The following CCDC102B variants were observed in gnomAD, a reference collection of about 807,000 sequenced individuals.
CCDC102B encodes the protein coiled-coil domain containing 102B, also known as coiled-coil domain-containing protein 102B.
A neutral mutation model predicts 57.4 loss-of-function variants in CCDC102B; 75 were observed. The ratio of observed to expected loss-of-function variants is 1.31; its 90% CI spans 1.08 to 1.58. The LOEUF is 1.58. Among genes scored for constraint, CCDC102B ranks in the 40% most tolerant of loss-of-function variants. The pLI is 0.00. For synonymous variants in CCDC102B, 206 were observed against 201.9 expected (o/e 1.02, Z -0.17); for missense variants, 636 against 582.6 (o/e 1.09, Z -0.94).
intron 1 of CCDC102B, among the ~76,000 whole-genome samples, chr18:68,809,786 G>A (rs1474396299): frequency 6.6e-6 from 1 of 152,130 alleles, no homozygotes; most frequent in East Asian, 1.9e-4. Context: ...CAAAAGCTAA[G>A]AAATGTTTAT....
chr18:68,874,528 A>C, intron 4 of CCDC102B, 141 bp from the exon 5 acceptor site: 1 of 551,490 alleles, frequency 1.8e-6, no homozygotes, highest in Middle Eastern at 4.6e-4. Flanking sequence ...CACAATCATT[A>C]CATCATCAGC....
chr18:68,889,019 A>G lies in CCDC102B; in HGVS notation c.1054-8200A>G, dbSNP rs868618014. Among the ~76,000 whole-genome samples the G allele has an allele frequency of 5.9e-5, 4 of 67,858 alleles. No individual in the cohort carries two copies. In the South Asian group the frequency reaches 2.8e-3, roughly 47 times the overall value. The allele number at this position is 67,858 out of a possible 152,430, so 44.5% of individuals were successfully genotyped here. ...CTACCATTTTCCTGTCCCTCCCAGT[A>G]GTTTTTCTTTGTTTTTTTTTTCTTT... On this transcript the variant is annotated intron_variant, in intron 5 of 7. Coordinates refer to ENST00000360242, the MANE Select transcript of CCDC102B (RefSeq NM_024781.3).
intron 2 of CCDC102B, among the ~76,000 whole-genome samples, chr18:68,777,549 T>G (rs1009594647): frequency 2.6e-5 from 4 of 152,186 alleles, no homozygotes; most frequent in Non-Finnish European, 5.9e-5. Flanking sequence ...AAAATGTTAT[T>G]TCTCCTTTTA....
At chr18:68,973,790 A>G (rs1222239868) in intron 6 of CCDC102B, among the ~76,000 whole-genome samples, 1 of 152,120 alleles carries the variant, frequency 6.6e-6, no homozygotes, top group African/African-American at 2.4e-5. Context: ...TTTCACAAAG[A>G]ACATTTTTCA....
chr18:68,743,661 G>T (rs1019824103), intron 2 of CCDC102B, among the ~76,000 whole-genome samples: 4 of 152,096 alleles, frequency 2.6e-5, no homozygotes, highest in Non-Finnish European at 5.9e-5. Flanking sequence ...ATGGAGTCTT[G>T]TCCTTTCAGA....
chr18:69,058,088 A>G (rs187216026), downstream of CCDC102B, among the ~76,000 whole-genome samples: 73 of 152,140 alleles, frequency 4.8e-4, no homozygotes, highest in Middle Eastern at 0.017. Context: ...AAGTGAGAAC[A>G]GGTGGTATTT....
At chr18:68,874,379 G>A (rs1267794334) in intron 4 of CCDC102B, among the ~76,000 whole-genome samples, 1 of 151,938 alleles carries the variant, frequency 6.6e-6, no homozygotes, top group East Asian at 1.9e-4. Flanking sequence ...AAACCAGTTG[G>A]TCAATTGTTT....
chr18:68,973,663 AT>A (rs1284210895), intron 6 of CCDC102B, among the ~76,000 whole-genome samples: 1 of 152,024 alleles, frequency 6.6e-6, no homozygotes, highest in Non-Finnish European at 1.5e-5. Context: ...TTGTGGATAG[AT>A]TTTTTCTTGT....
intron 6 of CCDC102B, among the ~76,000 whole-genome samples, chr18:68,934,549 A>G (rs1014345226): frequency 6.6e-5 from 10 of 152,136 alleles, no homozygotes; most frequent in African/African-American, 2.2e-4. Flanking sequence ...TGGCCCAGGT[A>G]TTTAACTGAC....
chr18:68,967,433 T>G (rs534953786), intron 6 of CCDC102B, among the ~76,000 whole-genome samples: 19 of 150,042 alleles, frequency 1.3e-4, no homozygotes, highest in Admixed American at 2.7e-4. Flanking sequence ...ACAAATTCAC[T>G]ATAAGATTTA....
chr18:68,924,735 G>A (rs899536814), intron 6 of CCDC102B, among the ~76,000 whole-genome samples: 6 of 152,062 alleles, frequency 3.9e-5, no homozygotes, highest in South Asian at 4.1e-4. Flanking sequence ...GACTCCCACC[G>A]TCTGCACACA....
chr18:68,748,145 G>A (rs1178967406), intron 2 of CCDC102B, among the ~76,000 whole-genome samples: 1 of 149,550 alleles, frequency 6.7e-6, no homozygotes, highest in South Asian at 2.1e-4. Context: ...ATACTTGATG[G>A]CCATTTATAT....
chr18:69,038,137 G>T (rs934729564), intron 7 of CCDC102B, among the ~76,000 whole-genome samples: 5 of 151,530 alleles, frequency 3.3e-5, no homozygotes, highest in Non-Finnish European at 7.4e-5. Context: ...ATAATTTTTT[G>T]CAAGAAATGT....
chr18:68,886,621 T>C (rs984026326), intron 5 of CCDC102B, among the ~76,000 whole-genome samples: 3 of 152,136 alleles, frequency 2.0e-5, no homozygotes, highest in Admixed American at 6.5e-5. Flanking sequence ...AATGCACTTT[T>C]TTTCTGAGTC....
At chr18:68,828,322 C>CAAAAAAAAAA (rs58180806) in intron 1 of CCDC102B, among the ~76,000 whole-genome samples, 2 of 80,802 alleles carry the variant, frequency 2.5e-5, no homozygotes, top group Non-Finnish European at 4.7e-5. Context: ...ACCCTATTTA[C>CAAAAAAAAAA]AAAAAAAAAA....
In CCDC102B at chr18:68,790,185, A is replaced by T. The variant is rs371151979; in HGVS notation, c.-66-33181A>T. On this transcript the variant is annotated intron_variant, in intron 2 of 3. Transcript: ENST00000578970. The stretch of plus-strand genomic sequence containing the variant: ...ACCCACTTGAGGAGGCAGTCTGCCC[A>T]TTCTCAGATCTCCAGCTGTGTGCTG... 5.9e-3 allele frequency among the ~76,000 whole-genome samples: 899 copies of T among 151,160 alleles called. 8 individuals carry two copies. The highest frequency in any genetic ancestry group is 0.01 in the Non-Finnish European group (680 of 67,960).
intron 7 of CCDC102B, among the ~76,000 whole-genome samples, chr18:69,051,488 A>T (rs929050334): frequency 6.6e-6 from 1 of 151,964 alleles, no homozygotes; most frequent in Non-Finnish European, 1.5e-5. Context: ...AGTTAATGAA[A>T]CTCCAGGTTA....
At chr18:68,852,484 A>C (rs1381705889) in intron 4 of CCDC102B, among the ~76,000 whole-genome samples, 1 of 152,168 alleles carries the variant, frequency 6.6e-6, no homozygotes, top group Admixed American at 6.5e-5. Flanking sequence ...CATCTACATT[A>C]CTTATAATTC....
intron 6 of CCDC102B, among the ~76,000 whole-genome samples, chr18:68,981,556 A>C (rs2050581426): frequency 6.6e-6 from 1 of 152,030 alleles, no homozygotes; most frequent in African/African-American, 2.4e-5. Context: ...ACAAACAAAC[A>C]AAAAAACCAT....
Sources: gnomAD v4.1 joint callset for allele counts (sites outside exome capture counted in the v4.1 genomes callset) on GRCh38, gnomAD v4.1.1 for gene constraint, MANE v1.5 for transcripts, NCBI Gene and HGNC (gene_info 2026-07-23, HGNC 2026-07-21) for gene names.